Variants in SEZ6L observed in about 807,000 individuals in gnomAD.
SEZ6L encodes the protein seizure related 6 homolog like.
Under a neutral mutation model 106.2 loss-of-function variants are expected in SEZ6L, and 37 were observed. The observed-to-expected ratio is 0.35, with a 90% confidence interval of 0.27 to 0.46. SEZ6L has a LOEUF of 0.46. Ranked by LOEUF, SEZ6L falls within the 20% of genes least tolerant of loss-of-function variation. The pLI is 1.00. For synonymous variants in SEZ6L, 541 were observed against 570.4 expected (o/e 0.95, Z 0.73); for missense variants, 1,172 against 1,332.8 (o/e 0.88, Z 1.88).
In SEZ6L at chr22:26,363,341, G is replaced by C. The variant is rs147545031; in HGVS notation, c.2600-2031G>C. 3.5e-4 allele frequency among the ~76,000 whole-genome samples: 54 copies of C among 152,308 alleles called. 1 individual carries two copies. The East Asian group carries it at 9.6e-3, about 27-fold the overall frequency. ...CTGTACTGTGTGCCTTGAACCACAA[G>C]TGCCGTAGGACCAGGGATTATATCT... On this transcript the variant is annotated intron_variant, in intron 12 of 16. Coordinates refer to ENST00000248933, the MANE Select transcript of SEZ6L (RefSeq NM_021115.5).
intron 12 of SEZ6L, among the ~76,000 whole-genome samples, chr22:26,361,535 A>ATG (rs2083635045): frequency 6.7e-6 from 1 of 149,486 alleles, no homozygotes; most frequent in Non-Finnish European, 1.5e-5. Context: ...ATATATATAT[A>ATG]TATGTATTAA....
intron 1 of SEZ6L, among the ~76,000 whole-genome samples, chr22:26,222,633 C>T (rs763514997): frequency 8.5e-5 from 13 of 152,152 alleles, no homozygotes; most frequent in Admixed American, 2.6e-4. Context: ...CAGCAAAATC[C>T]TCTGGTGTAT....
At chr22:26,353,873 GAC>G (rs1314512824) in intron 12 of SEZ6L, among the ~76,000 whole-genome samples, 3 of 151,854 alleles carry the variant, frequency 2.0e-5, no homozygotes, top group African/African-American at 7.3e-5. Context: ...ACCTTGATTG[GAC>G]ACAGTGTCTT....
intron 9 of SEZ6L, among the ~76,000 whole-genome samples, chr22:26,327,472 A>C (rs1271502797): frequency 2.5e-5 from 3 of 118,652 alleles, no homozygotes; most frequent in Non-Finnish European, 1.7e-5. Flanking sequence ...ATACACACAC[A>C]CCCCTCACAC....
intron 9 of SEZ6L, among the ~76,000 whole-genome samples, chr22:26,327,591 A>C (rs2082357622): frequency 6.9e-6 from 1 of 145,542 alleles, no homozygotes; most frequent in Admixed American, 6.9e-5. Flanking sequence ...GACACGACAC[A>C]TGCCACACAT....
intron 10 of SEZ6L, among the ~76,000 whole-genome samples, chr22:26,341,039 C>T (rs1022364829): frequency 1.3e-5 from 2 of 152,186 alleles, no homozygotes; most frequent in African/African-American, 4.8e-5. Flanking sequence ...AACATACTTC[C>T]TAATTTCTTC....
intron 6 of SEZ6L, among the ~76,000 whole-genome samples, chr22:26,310,154 T>G (rs1343854693): frequency 1.3e-5 from 2 of 152,154 alleles, no homozygotes; most frequent in African/African-American, 4.8e-5. Context: ...TCAGAATAAA[T>G]CCATAAGGAA....
At chr22:26,212,209 A>G (rs1289196472) in intron 1 of SEZ6L, among the ~76,000 whole-genome samples, 1 of 152,174 alleles carries the variant, frequency 6.6e-6, no homozygotes, top group South Asian at 2.1e-4. Context: ...CAGACCACAC[A>G]TGGCCTTTCA....
chr22:26,188,866 A>G (rs1939987010), intron 1 of SEZ6L, among the ~76,000 whole-genome samples: 1 of 152,246 alleles, frequency 6.6e-6, no homozygotes. Flanking sequence ...TACCAGCAGT[A>G]AAAATAATAG....
At chr22:26,316,574 G>A (rs929969413) in intron 9 of SEZ6L, among the ~76,000 whole-genome samples, 4 of 152,168 alleles carry the variant, frequency 2.6e-5, no homozygotes, top group Admixed American at 2.6e-4. Flanking sequence ...GCTCAGGCTT[G>A]TAATCCCAGC....
At chr22:26,231,090 G>A (rs1307503801) in intron 1 of SEZ6L, among the ~76,000 whole-genome samples, 2 of 152,258 alleles carry the variant, frequency 1.3e-5, no homozygotes, top group African/African-American at 4.8e-5. Context: ...GCAATGCACA[G>A]CAGCAGGCGC....
chr22:26,354,721 A>T (rs556814708), intron 12 of SEZ6L, among the ~76,000 whole-genome samples: 11 of 152,288 alleles, frequency 7.2e-5, no homozygotes, highest in East Asian at 5.8e-4. Context: ...GTCTCTAAAG[A>T]CCCTCTGAGC....
rs150108381 is a variant in SEZ6L at position 26,336,384 on chromosome 22, G to A, written c.2016-4052G>A. On this transcript the variant is annotated intron_variant, in intron 9 of 16. Coordinates refer to ENST00000248933, the MANE Select transcript of SEZ6L (RefSeq NM_021115.5). Reference sequence around the variant, plus strand: ...AAACCTGCTCATCAATCCCCTCTTCGTTGAGTCCTTCCCTTCTTCTTGTCT... The same window carrying A: ...AAACCTGCTCATCAATCCCCTCTTCATTGAGTCCTTCCCTTCTTCTTGTCT... 5.4e-4 allele frequency among the ~76,000 whole-genome samples: 82 copies of A among 152,218 alleles called. No homozygotes were observed. In the Middle Eastern group the frequency reaches 0.01, roughly 19 times the overall value.
chr22:26,282,172 G>T (rs933329424), intron 1 of SEZ6L, among the ~76,000 whole-genome samples: 1 of 152,156 alleles, frequency 6.6e-6, no homozygotes, highest in Non-Finnish European at 1.5e-5. Flanking sequence ...CTCTTGCCGT[G>T]TTACACTCTA....
intron 10 of SEZ6L, among the ~76,000 whole-genome samples, chr22:26,345,500 T>A: frequency 6.6e-6 from 1 of 152,156 alleles, no homozygotes; most frequent in East Asian, 1.9e-4. Flanking sequence ...TCCCCTTTCA[T>A]CCATAGTCTG....
intron 1 of SEZ6L, among the ~76,000 whole-genome samples, chr22:26,194,461 G>A (rs948331531): frequency 6.6e-6 from 1 of 152,186 alleles, no homozygotes; most frequent in Non-Finnish European, 1.5e-5. Flanking sequence ...CCTGAATTCA[G>A]AAAGCCTGGC....
intron 1 of SEZ6L, among the ~76,000 whole-genome samples, chr22:26,205,513 G>T (rs923473213): frequency 3.9e-5 from 6 of 152,154 alleles, no homozygotes; most frequent in African/African-American, 4.8e-5. Flanking sequence ...CACCATGCCT[G>T]TAACTCTTTT....
In SEZ6L at chr22:26,365,443, T is replaced by C; in HGVS notation, c.2671T>C (p.Tyr891His). Residue 891 changes from tyrosine (Y) to histidine (H), a missense_variant, in exon 13 of 17, where the codon TAC becomes CAC. Around this residue, in one of 4 missense-constraint regions of SEZ6L, gnomAD observed 141 missense variants for 176.0 expected, o/e 0.80. Transcript: ENST00000248933. ...ATACCAAATCCTGTACAAGCGACTC[T>C]ACCTGCCAGGAGAGTCCCTCACCTT... ...NGYQILYKRL[Y>H]LPGESLTFMC... 2 of 1,614,158 alleles carry C rather than the reference T, an allele frequency of 1.2e-6. No homozygotes were observed. The highest frequency in any genetic ancestry group is 1.7e-6 in the Non-Finnish European group (2 of 1,179,982).
intron 1 of SEZ6L, among the ~76,000 whole-genome samples, chr22:26,258,047 T>A (rs1285491265): frequency 1.3e-5 from 2 of 152,118 alleles, no homozygotes; most frequent in African/African-American, 4.8e-5. Context: ...CGAGAGGACT[T>A]CCGGAATGAG....
Sources: allele counts gnomAD v4.1 joint callset (sites outside exome capture counted in the v4.1 genomes callset), GRCh38; gene constraint gnomAD v4.1.1; regional missense constraint gnomAD v4.1.1; transcripts MANE v1.5; gene names NCBI Gene and HGNC (gene_info 2026-07-23, HGNC 2026-07-21).